LNP1: variants seen among roughly 807,000 people sequenced by gnomAD.
LNP1 encodes the protein leukemia NUP98 fusion partner 1.
Under a neutral mutation model 14.5 loss-of-function variants are expected in LNP1, and 12 were observed. The observed-to-expected ratio is 0.83, with a 90% CI of 0.53 to 1.34. LNP1 has a LOEUF of 1.34. Among genes scored for constraint, LNP1 ranks in the 40% most tolerant of loss-of-function variants. The pLI, the probability that LNP1 is intolerant of heterozygous loss-of-function variation, is 0.00. For missense variants in LNP1, 198 were observed against 210.9 expected (o/e 0.94, Z 0.38); for synonymous variants, 75 against 71.4 (o/e 1.05, Z -0.26).
intron 1 of LNP1, among the ~76,000 whole-genome samples, chr3:100,420,980 TA>T (rs1448074816): frequency 2.0e-5 from 3 of 152,086 alleles, no homozygotes; most frequent in African/African-American, 7.2e-5. Context: ...TGTGTAATGT[TA>T]TTTTTTTATT....
intron 1 of LNP1, among the ~76,000 whole-genome samples, chr3:100,408,809 CTGGTCT>C (rs1706996928): frequency 1.3e-5 from 2 of 152,120 alleles, no homozygotes; most frequent in South Asian, 4.2e-4. Flanking sequence ...GCTGTGCTGC[CTGGTCT>C]TGGGGGAAGG....
intron 2 of LNP1, 31 bp from the exon 3 acceptor site, chr3:100,451,688 T>C (rs1443243120): frequency 1.2e-6 from 1 of 814,266 alleles, no homozygotes; most frequent in South Asian, 2.1e-5. Flanking sequence ...AGTCCTTTTA[T>C]ACTGTAAATT....
Position 100,451,899 on chromosome 3 carries a change from G to A in LNP1, c.337G>A (p.Glu113Lys). The stretch of plus-strand genomic sequence containing the variant: ...CCATTCCAAAATTGAGAAATTTTCA[G>A]AGTCCTTTGAACGGCAACTGTGCTT... ...RSHSKIEKFS[E>K]SFERQLCFRT... Residue 113 changes from glutamate (E) to lysine (K), a missense_variant, in exon 3 of 4, where the codon GAG (glutamate) becomes AAG (lysine). Physicochemically the swap from Glu to Lys is moderately conservative, Grantham distance 56. Coordinates refer to ENST00000383693, the MANE Select transcript of LNP1 (RefSeq NM_001085451.2). 6.4e-7 allele frequency: 1 copy of A among 1,571,768 alleles called. No homozygotes were observed. The highest frequency in any genetic ancestry group is 1.2e-5 in the South Asian group (1 of 86,500).
chr3:100,404,799 T>TTTC (rs1706947660), intron 1 of LNP1, among the ~76,000 whole-genome samples: 1 of 151,066 alleles, frequency 6.6e-6, no homozygotes, highest in East Asian at 1.9e-4. Flanking sequence ...TCCTTTTTTT[T>TTTC]TTTTTTTTTC....
At chr3:100,447,396 C>A (rs578136237) in intron 2 of LNP1, among the ~76,000 whole-genome samples, 1 of 151,874 alleles carries the variant, frequency 6.6e-6, no homozygotes, top group African/African-American at 2.4e-5. Context: ...GGGAATTGAA[C>A]AATGAGATCA....
chr3:100,416,191 A>G (rs1386083399), intron 1 of LNP1, among the ~76,000 whole-genome samples: 2 of 151,982 alleles, frequency 1.3e-5, no homozygotes, highest in Non-Finnish European at 2.9e-5. Flanking sequence ...ATTCTTTTCT[A>G]TTCTCTCATT....
At chr3:100,410,121 G>C (rs1707015096) in intron 1 of LNP1, among the ~76,000 whole-genome samples, 1 of 152,052 alleles carries the variant, frequency 6.6e-6, no homozygotes, top group Admixed American at 6.6e-5. Context: ...ATTAGCTTTG[G>C]AACTGATTGA....
chr3:100,449,963 C>CA (rs2148908221), intron 2 of LNP1, among the ~76,000 whole-genome samples: 1 of 152,236 alleles, frequency 6.6e-6, no homozygotes, highest in East Asian at 1.9e-4. Flanking sequence ...TCATTGCTTT[C>CA]AGCTTGGCCT....
chr3:100,453,361 G>A (rs1451740820), intron 3 of LNP1, among the ~76,000 whole-genome samples: 1 of 151,418 alleles, frequency 6.6e-6, no homozygotes, highest in South Asian at 2.1e-4. Flanking sequence ...CCACGGGATC[G>A]CTTGAGGCCA....
intron 1 of LNP1, among the ~76,000 whole-genome samples, chr3:100,406,889 A>G (rs1706973100): frequency 6.6e-6 from 1 of 152,176 alleles, no homozygotes; most frequent in African/African-American, 2.4e-5. Flanking sequence ...CATAGATATT[A>G]CAGGTTATTT....
intron 1 of LNP1, among the ~76,000 whole-genome samples, chr3:100,406,561 T>A (rs1361352535): frequency 6.6e-6 from 1 of 152,126 alleles, no homozygotes; most frequent in African/African-American, 2.4e-5. Flanking sequence ...TGAGATGGAG[T>A]CTTGCTCTTG....
intron 2 of LNP1, among the ~76,000 whole-genome samples, chr3:100,439,774 A>G (rs1014941228): frequency 6.6e-6 from 1 of 152,050 alleles, no homozygotes; most frequent in Non-Finnish European, 1.5e-5. Flanking sequence ...TTTGCTCCCC[A>G]TCCTATCCAC....
At chr3:100,418,464 A>G (rs1707110555) in intron 1 of LNP1, among the ~76,000 whole-genome samples, 1 of 151,230 alleles carries the variant, frequency 6.6e-6, no homozygotes, top group African/African-American at 2.4e-5. Flanking sequence ...CATTGTCTGT[A>G]GGTCTGTATT....
intron 2 of LNP1, among the ~76,000 whole-genome samples, chr3:100,430,968 G>C (rs748749510): frequency 1.3e-5 from 2 of 152,204 alleles, no homozygotes; most frequent in Non-Finnish European, 2.9e-5. Flanking sequence ...GTTGGACTGA[G>C]TGATCTCTAA....
At chr3:100,406,691 T>G (rs996457869) in intron 1 of LNP1, among the ~76,000 whole-genome samples, 6 of 151,520 alleles carry the variant, frequency 4.0e-5, no homozygotes, top group African/African-American at 1.5e-4. Context: ...CCCGCCACCA[T>G]GCCTGGCTAA....
At chr3:100,419,998 A>G (rs1454211449) in intron 1 of LNP1, among the ~76,000 whole-genome samples, 1 of 152,234 alleles carries the variant, frequency 6.6e-6, no homozygotes, top group Non-Finnish European at 1.5e-5. Context: ...TCAGCAATGT[A>G]TGAATGATCC....
chr3:100,410,206 A>T (rs1204387921), intron 1 of LNP1, among the ~76,000 whole-genome samples: 1 of 152,196 alleles, frequency 6.6e-6, no homozygotes, highest in Non-Finnish European at 1.5e-5. Context: ...TGTTGGTAGA[A>T]ATATGGATAT....
chr3:100,450,508 G>T (rs1169083449), intron 2 of LNP1, among the ~76,000 whole-genome samples: 1 of 151,674 alleles, frequency 6.6e-6, no homozygotes, highest in Non-Finnish European at 1.5e-5. Context: ...TAATTTTTTG[G>T]TATTTTTTAG....
At chr3:100,442,136 T>G in intron 2 of LNP1, among the ~76,000 whole-genome samples, 1 of 152,206 alleles carries the variant, frequency 6.6e-6, no homozygotes, top group East Asian at 1.9e-4. Context: ...TGGAGTTTAT[T>G]TTTACATATC....
Sources: gnomAD v4.1 joint callset for allele counts (sites outside exome capture counted in the v4.1 genomes callset) on GRCh38, gnomAD v4.1.1 for gene constraint, MANE v1.5 for transcripts, NCBI Gene and HGNC (gene_info 2026-07-23, HGNC 2026-07-21) for gene names.